Variants in CEP135 observed in about 807,000 individuals in gnomAD.
The protein encoded by CEP135 is centrosomal protein 135, also known as centrosomal protein of 135 kDa.
Under a neutral mutation model 157.3 loss-of-function variants are expected in CEP135, and 142 were observed. That is an observed-to-expected ratio of 0.90 (90% CI 0.79 to 1.04). CEP135 has a LOEUF of 1.04. Ranked by LOEUF, CEP135 falls within the 50% of genes least tolerant of loss-of-function variation. CEP135 has a pLI of 0.00. For synonymous variants in CEP135, 396 were observed against 439.8 expected, an observed-to-expected ratio of 0.90 and a Z score of 1.25; for missense variants, 1,317 against 1,309.2, an observed-to-expected ratio of 1.01 and a Z score of -0.09.
chr4:55,985,651 T>A (rs951378354), intron 14 of CEP135, among the ~76,000 whole-genome samples: 2 of 151,926 alleles, frequency 1.3e-5, no homozygotes, highest in Non-Finnish European at 2.9e-5. Flanking sequence ...AGAGACGGGG[T>A]TTCACCATGT....
At position 55,991,318 on chromosome 4, in the gene CEP135, C is replaced by CT. The variant is rs36216484; in HGVS notation, c.1858-601dup. 5.5e-3 allele frequency among the ~76,000 whole-genome samples: 734 copies of CT among 133,582 alleles called. 5 individuals are homozygous for CT. The highest frequency in any genetic ancestry group is 0.016 in the South Asian group (67 of 4,146). 87.6% of individuals were successfully genotyped at this position (133,582 alleles called of 152,430 possible). On this transcript the variant is annotated intron_variant, in intron 14 of 25. Coordinates refer to ENST00000257287, the MANE Select transcript of CEP135 (RefSeq NM_025009.5). The stretch of plus-strand genomic sequence containing the variant: ...TTCCAAAAATTTTTCCTGTTTTTTT[C>CT]TTTTTTTTTTTTTTTGTAAATGAAT...
Position 56,024,572 on chromosome 4 carries a change from C to T in CEP135, c.3392C>T (p.Pro1131Leu), listed in dbSNP as rs1279033979. The change falls in exon 25 of 26, where the codon CCT (proline) becomes CTT (leucine). Residue 1131 changes from proline (P) to leucine (L), a missense_variant. Transcript: ENST00000257287. ...TPPLSSTLRSPSHSPEHRNV is the reference protein window; with the variant it reads ...TPPLSSTLRSLSHSPEHRNV Reference sequence around the variant, plus strand: ...CCCCTTAGTTCCACTCTGAGGTCTCCTTCACATTCTCCTGAACATAGAAAT... The same window carrying T: ...CCCCTTAGTTCCACTCTGAGGTCTCTTTCACATTCTCCTGAACATAGAAAT... 1 of 1,613,434 alleles carries T rather than the reference C, an allele frequency of 6.2e-7. No homozygotes were observed. Among genetic ancestry groups the T allele is most frequent in the Admixed American group, 1.7e-5 (1 of 60,002 alleles).
At chr4:56,010,068 G>A (rs1730517612) in intron 19 of CEP135, among the ~76,000 whole-genome samples, 165 bp downstream of exon 19, 1 of 152,118 alleles carries the variant, frequency 6.6e-6, no homozygotes, top group Non-Finnish European at 1.5e-5. Context: ...ATGGAGCTTA[G>A]GCCGGGCGCA....
Position 55,964,282 on chromosome 4 carries a change from A to T in CEP135, c.708A>T (p.Leu236=). 1 of 1,609,032 alleles carries T rather than the reference A, an allele frequency of 6.2e-7. No homozygotes were observed. Among genetic ancestry groups the T allele is most frequent in the Non-Finnish European group, 8.5e-7 (1 of 1,178,154 alleles). The change falls in exon 7 of 26, where the codon CTA becomes CTT. Residue 236 remains leucine (L), a synonymous_variant. Transcript: ENST00000257287. ...GVRDYSKQIE[L]REREIERLSV... ...CATGACTATATCTTCAGATTGAGCT[A>T]AGAGAACGAGAGATAGAACGACTGT...
intron 17 of CEP135, among the ~76,000 whole-genome samples, chr4:56,005,865 A>G (rs1183543699): frequency 6.6e-6 from 1 of 152,096 alleles, no homozygotes; most frequent in African/African-American, 2.4e-5. Context: ...TGGATGACAT[A>G]TTCTTGTATG....
intron 14 of CEP135, among the ~76,000 whole-genome samples, chr4:55,991,675 T>G (rs1729801615): frequency 6.6e-6 from 1 of 152,188 alleles, no homozygotes. Flanking sequence ...TTCCTTCCTG[T>G]TTCATTGCTG....
chr4:55,974,858 A>G lies in CEP135; in HGVS notation c.1362A>G (p.Arg454=). Reference sequence around the variant, plus strand: ...TTCTGAAAGGTATAGAAGAAGAACGAGATTATTATAAGAAAGAGCTAGAGA... The same window carrying G: ...TTCTGAAAGGTATAGAAGAAGAACGGGATTATTATAAGAAAGAGCTAGAGA... ...DTFLKGIEEE[R]DYYKKELERL... The change falls in exon 11 of 26, where the codon CGA becomes CGG. Residue 454 remains arginine (R), a synonymous_variant. Transcript: ENST00000257287. 6 of 1,613,928 alleles carry G rather than the reference A, an allele frequency of 3.7e-6. No individual in the cohort carries two copies. The Admixed American group carries it at 5.0e-5, about 13-fold the overall frequency.
At chr4:55,998,694 G>A (rs983469126) in intron 15 of CEP135, among the ~76,000 whole-genome samples, 2 of 152,016 alleles carry the variant, frequency 1.3e-5, no homozygotes, top group African/African-American at 2.4e-5. Flanking sequence ...GTAAAACCCC[G>A]TCTCTACTAA....
chr4:55,963,992 T>C (rs1032099029), intron 6 of CEP135, among the ~76,000 whole-genome samples: 1 of 152,188 alleles, frequency 6.6e-6, no homozygotes, highest in Admixed American at 6.5e-5. Flanking sequence ...ATAAACATTG[T>C]TAAATCTTAA....
chr4:56,011,470 T>G lies in CEP135; in HGVS notation c.2564T>G (p.Val855Gly). 1 of 1,612,474 alleles carries G rather than the reference T, an allele frequency of 6.2e-7. No homozygotes were observed. The highest frequency in any genetic ancestry group is 1.1e-5 in the South Asian group (1 of 90,468). Residue 855 changes from valine to glycine, a missense_variant, in exon 20 of 26, where the codon GTT becomes GGT. Physicochemically the swap from Val to Gly is moderately radical, Grantham distance 109 (BLOSUM62 -3). Coordinates refer to ENST00000257287, the MANE Select transcript of CEP135 (RefSeq NM_025009.5). ...GAAAAAGAAGAAATGAAGAGCAGAGTTCATAAATACATAACAGAGGTGTCA... is the reference window on the plus strand; with the variant it reads ...GAAAAAGAAGAAATGAAGAGCAGAGGTCATAAATACATAACAGAGGTGTCA... Reference protein sequence around the residue: ...VQEKEEMKSRVHKYITEVSRW... With the variant: ...VQEKEEMKSRGHKYITEVSRW...
At chr4:55,992,859 G>A (rs1553892317) in intron 15 of CEP135, among the ~76,000 whole-genome samples, 1 of 152,222 alleles carries the variant, frequency 6.6e-6, no homozygotes, top group Non-Finnish European at 1.5e-5. Flanking sequence ...GAAACAAAAG[G>A]CAAACAAAGC....
At chr4:55,993,132 T>C (rs1049158571) in intron 15 of CEP135, among the ~76,000 whole-genome samples, 6 of 152,096 alleles carry the variant, frequency 3.9e-5, no homozygotes, top group Non-Finnish European at 8.8e-5. Flanking sequence ...AGTTAGTGAA[T>C]GGCATTGGAT....
Position 55,999,363 on chromosome 4 carries a change from A to G in CEP135, c.2071A>G (p.Arg691Gly). The change falls in exon 16 of 26, where the codon AGA (arginine) becomes GGA (glycine). Residue 691 changes from arginine to glycine, a missense_variant. Transcript: ENST00000257287. Reference protein sequence around the residue: ...DDYQHRLSIKRGELESAQAQI... With the variant: ...DDYQHRLSIKGGELESAQAQI... Reference sequence around the variant, plus strand: ...CTATCAGCACCGACTTTCCATAAAAAGAGGTGAACTTGAATCAGCCCAAGC... The same window carrying G: ...CTATCAGCACCGACTTTCCATAAAAGGAGGTGAACTTGAATCAGCCCAAGC... 1.2e-6 allele frequency: 2 copies of G among 1,614,208 alleles called. No homozygotes were observed. The highest frequency in any genetic ancestry group is 2.2e-5 in the South Asian group (2 of 91,088).
chr4:56,008,823 AC>A (rs1352032839), intron 18 of CEP135, among the ~76,000 whole-genome samples: 1 of 152,186 alleles, frequency 6.6e-6, no homozygotes, highest in Non-Finnish European at 1.5e-5. Context: ...TATTTTACAT[AC>A]CCTTAACATT....
At chr4:56,020,638 G>A (rs372182242) in intron 23 of CEP135, 38 bp from the exon 24 acceptor site, 5 of 1,564,694 alleles carry the variant, frequency 3.2e-6, no homozygotes, top group South Asian at 1.1e-5. Context: ...TCTACAAAAC[G>A]GAACGTTTAT....
intron 14 of CEP135, among the ~76,000 whole-genome samples, chr4:55,989,555 T>C (rs968579332): frequency 6.6e-6 from 1 of 152,048 alleles, no homozygotes; most frequent in South Asian, 2.1e-4. Flanking sequence ...CAAAAAAAAA[T>C]CTTTGTTTAT....
At chr4:55,991,229 G>T (rs943622002) in intron 14 of CEP135, among the ~76,000 whole-genome samples, 1 of 151,740 alleles carries the variant, frequency 6.6e-6, no homozygotes, top group Non-Finnish European at 1.5e-5. Flanking sequence ...GCCCACCGTG[G>T]CCTCCCATAT....
intron 10 of CEP135, among the ~76,000 whole-genome samples, chr4:55,973,481 A>C (rs2109671860): frequency 6.6e-6 from 1 of 152,290 alleles, no homozygotes; most frequent in East Asian, 1.9e-4. Context: ...TCAGATTAAA[A>C]ACGTGTGCAT....
intron 14 of CEP135, among the ~76,000 whole-genome samples, chr4:55,990,151 C>G (rs1349352744): frequency 6.6e-6 from 1 of 152,136 alleles, no homozygotes; most frequent in East Asian, 1.9e-4. Flanking sequence ...TTCATTGAAC[C>G]TATTGCTAAT....
Sources: allele counts gnomAD v4.1 joint callset (sites outside exome capture counted in the v4.1 genomes callset), GRCh38; gene constraint gnomAD v4.1.1; transcripts MANE v1.5; gene names NCBI Gene and HGNC (gene_info 2026-07-23, HGNC 2026-07-21).